SLC2A5: variants seen among roughly 807,000 people sequenced by gnomAD.
SLC2A5 encodes the protein solute carrier family 2 member 5.
A neutral mutation model predicts 50.3 loss-of-function variants in SLC2A5; 56 were observed. The ratio of observed to expected loss-of-function variants is 1.11; its 90% CI spans 0.90 to 1.39. The LOEUF (loss-of-function observed/expected upper bound fraction) is 1.39, where lower values mean the gene tolerates loss of function less well. Ranked by LOEUF, SLC2A5 falls within the 40% of genes most tolerant of loss-of-function variation. The pLI, the probability that SLC2A5 is intolerant of heterozygous loss-of-function variation, is 0.00. For missense variants in SLC2A5, 566 were observed against 650.1 expected, an observed-to-expected ratio of 0.87 and a Z score of 1.41; for synonymous variants, 269 against 281.9, an observed-to-expected ratio of 0.95 and a Z score of 0.46.
chr1:9,057,786 C>T (rs1242841940), intron 2 of SLC2A5, among the ~76,000 whole-genome samples, 178 bp from the exon 3 acceptor site: 4 of 152,158 alleles, frequency 2.6e-5, no homozygotes, highest in East Asian at 1.9e-4. Context: ...GGGCACCCAC[C>T]GGGAGGGCTG....
intron 1 of SLC2A5, among the ~76,000 whole-genome samples, chr1:9,061,929 C>T (rs537632199): frequency 9.2e-5 from 14 of 152,282 alleles, no homozygotes; most frequent in African/African-American, 1.7e-4. Flanking sequence ...GAGATCAGAG[C>T]GACTAAATGA....
intron 1 of SLC2A5, among the ~76,000 whole-genome samples, chr1:9,060,228 T>C (rs1471950583): frequency 1.9e-5 from 2 of 104,654 alleles, no homozygotes; most frequent in African/African-American, 3.7e-5. Flanking sequence ...TAACAAACAA[T>C]ACACACACAC....
intron 1 of SLC2A5, among the ~76,000 whole-genome samples, chr1:9,066,546 T>A (rs1019611123): frequency 6.6e-6 from 1 of 152,238 alleles, no homozygotes; most frequent in East Asian, 1.9e-4. Context: ...TCAATTCTTA[T>A]GTAGTTGTAA....
intron 1 of SLC2A5, among the ~76,000 whole-genome samples, chr1:9,059,760 C>T (rs1221916326): frequency 6.6e-6 from 1 of 151,838 alleles, no homozygotes; most frequent in African/African-American, 2.4e-5. Flanking sequence ...TCTCAAACTC[C>T]TGGGCTCAAG....
chr1:9,043,614 T>A (rs1040486904), intron 4 of SLC2A5, among the ~76,000 whole-genome samples: 4 of 151,992 alleles, frequency 2.6e-5, no homozygotes, highest in Non-Finnish European at 4.4e-5. Flanking sequence ...TGTGAAGAGA[T>A]GGGGTTACCT....
At position 9,063,840 on chromosome 1, in the gene SLC2A5, C is replaced by T. The variant is rs569373750; in HGVS notation, c.34-5590G>A. On this transcript the variant is annotated intron_variant, in intron 1 of 11. Coordinates refer to ENST00000377424, the MANE Select transcript of SLC2A5 (RefSeq NM_003039.3). Reference sequence around the variant, plus strand: ...CCTCCCGAGTAGCTGGGACTACAGGCGCCCGCTACCACGCCCGGCTAATTT... The same window carrying T: ...CCTCCCGAGTAGCTGGGACTACAGGTGCCCGCTACCACGCCCGGCTAATTT... Among the ~76,000 whole-genome samples the T allele has an allele frequency of 9.0e-4, 129 of 142,986 alleles. 4 individuals carry two copies. Among genetic ancestry groups the T allele is most frequent in the Middle Eastern group, 3.5e-3 (1 of 284 alleles). 93.8% of individuals were successfully genotyped at this position (142,986 alleles called of 152,430 possible). A position where few individuals can be genotyped will look rare whatever the true frequency, so the allele number is the denominator to read the frequency against.
At chr1:9,050,399 A>C (rs1177830929) in intron 3 of SLC2A5, among the ~76,000 whole-genome samples, 2 of 152,092 alleles carry the variant, frequency 1.3e-5, no homozygotes, top group African/African-American at 4.8e-5. Context: ...TTGAGGCTGC[A>C]GCAAGATGTG....
chr1:9,039,871 G>T lies in SLC2A5; in HGVS notation c.814C>A (p.Arg272Ser). 1 of 1,612,164 alleles carries T rather than the reference G, an allele frequency of 6.2e-7. No individual in the cohort carries two copies. Among genetic ancestry groups the T allele is most frequent in the Non-Finnish European group, 8.5e-7 (1 of 1,179,616 alleles). The stretch of plus-strand genomic sequence containing the variant: ...GACAGCAGCTGCCAGCGCAGCGAGC[G>T]CATCCGGAACAGCTTCAGCACGGAG... ...FISVLKLFRMRSLRWQLLSII... is the reference protein window; with the variant it reads ...FISVLKLFRMSSLRWQLLSII... Residue 272 changes from arginine to serine, a missense_variant, in exon 7 of 12, where the codon CGC (arginine) becomes AGC (serine). Arg to Ser is a moderately radical substitution (Grantham distance 110). Transcript: ENST00000377424.
Position 9,038,506 on chromosome 1 carries a change from C to T in SLC2A5, c.1099G>A (p.Asp367Asn). Residue 367 changes from aspartate (D) to asparagine (N), a missense_variant and splice_region_variant, in exon 10 of 12, where the codon GAC (aspartate) becomes AAC (asparagine). Asp to Asn is a conservative substitution (Grantham distance 23). Coordinates refer to ENST00000377424, the MANE Select transcript of SLC2A5 (RefSeq NM_003039.3). ...CVLTAALALQ[D>N]TVSWMPYISI... Reference sequence around the variant, plus strand: ...ATGTATGGCATCCAGGACACTGTGTCCTGTGGAGAGAAAGCAGTTGGTTCA... The same window carrying T: ...ATGTATGGCATCCAGGACACTGTGTTCTGTGGAGAGAAAGCAGTTGGTTCA... The T allele has an allele frequency of 6.2e-7, 1 of 1,612,274 alleles. No individual in the cohort carries two copies. Among genetic ancestry groups the T allele is most frequent in the African/African-American group, 1.3e-5 (1 of 75,000 alleles).
upstream of SLC2A5, among the ~76,000 whole-genome samples, chr1:9,092,187 C>A (rs1642467720): frequency 6.6e-6 from 1 of 152,164 alleles, no homozygotes; most frequent in African/African-American, 2.4e-5. Context: ...CATGCCTCAA[C>A]CAATCACCCA....
At chr1:9,070,143 T>C, upstream of SLC2A5, among the ~76,000 whole-genome samples, 1 of 139,530 alleles carries the variant, frequency 7.2e-6, no homozygotes, top group East Asian at 2.3e-4. Context: ...TGCAGTGGCA[T>C]GATCTCAGCT....
intron 2 of SLC2A5, among the ~76,000 whole-genome samples, chr1:9,083,646 A>G (rs1642375463): frequency 6.6e-6 from 1 of 151,804 alleles, no homozygotes; most frequent in Non-Finnish European, 1.5e-5. Context: ...AAAATGGTGA[A>G]ACCCCATCTC....
At chr1:9,086,244 A>G (rs559693415) in intron 1 of SLC2A5, among the ~76,000 whole-genome samples, 9 of 152,298 alleles carry the variant, frequency 5.9e-5, no homozygotes, top group Admixed American at 5.2e-4. Flanking sequence ...CTACACAGAC[A>G]AAGTCAATTG....
At chr1:9,088,886 G>A (rs143350200), upstream of SLC2A5, among the ~76,000 whole-genome samples, 3 of 152,318 alleles carry the variant, frequency 2.0e-5, no homozygotes, top group African/African-American at 4.8e-5. Flanking sequence ...CATCCCTTGC[G>A]CTCATGTCTT....
chr1:9,049,939 C>G (rs979140757), intron 3 of SLC2A5, among the ~76,000 whole-genome samples: 2 of 151,918 alleles, frequency 1.3e-5, no homozygotes, highest in African/African-American at 2.4e-5. Context: ...AAGTTCCAGA[C>G]CAGCCTGGGC....
At chr1:9,053,375 TTA>T (rs1369642961) in intron 3 of SLC2A5, among the ~76,000 whole-genome samples, 62 of 37,194 alleles carry the variant, frequency 1.7e-3, no homozygotes, top group African/African-American at 4.9e-3. Context: ...TATTTATATA[TTA>T]TATATATTTA....
Position 9,039,566 on chromosome 1 carries a change from T to C in SLC2A5, c.982A>G (p.Met328Val). 5 of 1,573,714 alleles carry C rather than the reference T, an allele frequency of 3.2e-6. No individual in the cohort carries two copies. Among genetic ancestry groups the C allele is most frequent in the Non-Finnish European group, 4.3e-6 (5 of 1,160,678 alleles). ...TAGTGAVNVV[M>V]TFCAVFVVEL... The stretch of plus-strand genomic sequence containing the variant: ...AGGACACTCACGGCGCAGAAGGTCA[T>C]GACCACGTTCACGGCCCCGGTGCCG... Residue 328 changes from methionine (M) to valine (V), a missense_variant, in exon 8 of 12, where the codon ATG becomes GTG. By Grantham distance (21) the Met-to-Val change is conservative. Transcript: ENST00000377424.
At chr1:9,049,810 G>C (rs1641525102) in intron 3 of SLC2A5, among the ~76,000 whole-genome samples, 1 of 152,124 alleles carries the variant, frequency 6.6e-6, no homozygotes, top group Non-Finnish European at 1.5e-5. Flanking sequence ...AAGGAGCAAA[G>C]AGAACGCAAT....
intron 1 of SLC2A5, among the ~76,000 whole-genome samples, chr1:9,060,683 A>C (rs1284738524): frequency 8.4e-6 from 1 of 119,400 alleles, no homozygotes; most frequent in South Asian, 3.0e-4. Flanking sequence ...CACACACCAC[A>C]TACACACAGC....
Sources: gnomAD v4.1 joint callset for allele counts (sites outside exome capture counted in the v4.1 genomes callset) on GRCh38, gnomAD v4.1.1 for gene constraint, MANE v1.5 for transcripts, NCBI Gene and HGNC (gene_info 2026-07-23, HGNC 2026-07-21) for gene names.